Variants in RNF213 observed in about 807,000 individuals in gnomAD.
RNF213 encodes the protein E3 ubiquitin-protein ligase RNF213.
In RNF213, 341 loss-of-function variants were observed where a neutral mutation model predicts 514.4. The ratio of observed to expected loss-of-function variants is 0.66; its 90% CI spans 0.61 to 0.73. The LOEUF (loss-of-function observed/expected upper bound fraction) is 0.73, where lower values mean the gene tolerates loss of function less well. Among genes scored for constraint, RNF213 ranks in the 30% least tolerant of loss-of-function variants. The pLI, the probability that RNF213 is intolerant of heterozygous loss-of-function variation, is 0.00. For missense variants in RNF213, 5,767 were observed against 6,615.6 expected, an observed-to-expected ratio of 0.87 and a Z score of 4.45; for synonymous variants, 2,655 against 2,658.2, an observed-to-expected ratio of 1.00 and a Z score of 0.04.
chr17:80,360,358 C>T (rs183590176), intron 38 of RNF213, 152 bp downstream of exon 38: 24 of 824,916 alleles, frequency 2.9e-5, no homozygotes, highest in East Asian at 1.9e-4. Flanking sequence ...GTCCAATTTA[C>T]GTCACCGCGT....
At chr17:80,388,563 T>C (rs780919981) in intron 63 of RNF213, 49 bp from the exon 64 acceptor site, 8 of 1,220,460 alleles carry the variant, frequency 6.6e-6, no homozygotes, top group Non-Finnish European at 7.3e-6. Context: ...CTGCTGGAAA[T>C]GTCCACGATG....
intron 20 of RNF213, among the ~76,000 whole-genome samples, chr17:80,329,205 C>T (rs2046352205): frequency 6.6e-6 from 1 of 152,252 alleles, no homozygotes; most frequent in African/African-American, 2.4e-5. Context: ...CCTGCTTCCT[C>T]TGTTGGCAGA....
chr17:80,381,972 C>T lies in RNF213; in HGVS notation c.13978+245C>T, dbSNP rs558360365. 4.2e-5 allele frequency: 22 copies of T among 526,066 alleles called. 1 individual carries two copies. In the Admixed American group the frequency reaches 4.5e-4, roughly 11 times the overall value. The allele number at this position is 526,066 out of a possible 1,614,324, so 32.6% of individuals were successfully genotyped here. A position where few individuals can be genotyped will look rare whatever the true frequency, so the allele number is the denominator to read the frequency against. The stretch of plus-strand genomic sequence containing the variant: ...AGCTGCTCTGTTCCCTCCATTCACC[C>T]CTGCCTGGCTAAGACCTGCGGTATT... On this transcript the variant is annotated intron_variant, in intron 57 of 67. Coordinates refer to ENST00000582970, the MANE Select transcript of RNF213 (RefSeq NM_001256071.3).
chr17:80,382,967 GT>G lies in RNF213; in HGVS notation c.13979-5del. The G allele has an allele frequency of 6.3e-7, 1 of 1,599,686 alleles. No homozygotes were observed. The highest frequency in any genetic ancestry group is 8.6e-7 in the Non-Finnish European group (1 of 1,166,966). On this transcript the variant is annotated splice_polypyrimidine_tract_variant and intron_variant, in intron 57 of 67. Coordinates refer to ENST00000582970, the MANE Select transcript of RNF213 (RefSeq NM_001256071.3). ...GCCTTGGGTAACCTACACATTTGGA[GT>G]TTTTTTGTAGGGCTTTTAAATTTTG...
rs772205787 is a variant in RNF213 at position 80,358,285 on chromosome 17, C to T, written c.10863-3C>T. On this transcript the variant is annotated splice_polypyrimidine_tract_variant and splice_region_variant and intron_variant, in intron 36 of 67. Coordinates refer to ENST00000582970, the MANE Select transcript of RNF213 (RefSeq NM_001256071.3). ...GGTGGCCCATCTCTCTTCTGTGCTG[C>T]AGGCACACCCTCTGGAAGCGGGTCC... 7 of 1,613,734 alleles carry T rather than the reference C, an allele frequency of 4.3e-6. 1 individual carries two copies. The South Asian group carries it at 6.6e-5, about 15-fold the overall frequency.
chr17:80,349,883 G>A lies in RNF213; in HGVS notation c.10065G>A (p.Glu3355=), dbSNP rs1457477991. ...TGTGGCTGCAGCAGTTTGACACCGA[G>A]TACTCATTCCTCAAAGAAGTCCGGT... ...TLLWLQQFDT[E]YSFLKEVRNC... The change falls in exon 30 of 68, where the codon GAG becomes GAA. Residue 3355 remains glutamate (E), a synonymous_variant. Coordinates refer to ENST00000582970, the MANE Select transcript of RNF213 (RefSeq NM_001256071.3). 2 of 1,613,810 alleles carry A rather than the reference G, an allele frequency of 1.2e-6. No individual in the cohort carries two copies. The highest frequency in any genetic ancestry group is 2.7e-5 in the African/African-American group (2 of 74,912).
At chr17:80,337,447 G>A in intron 23 of RNF213, 139 bp from the exon 24 acceptor site, 1 of 1,143,752 alleles carries the variant, frequency 8.7e-7, no homozygotes, top group Non-Finnish European at 1.2e-6. Context: ...CGCTGGGTGG[G>A]CGACTGCGTC....
intron 17 of RNF213, chr17:80,320,095 G>A: frequency 1.3e-6 from 1 of 792,176 alleles, no homozygotes; most frequent in Non-Finnish European, 1.5e-6. Flanking sequence ...GGTAGTCACA[G>A]ATATGTACAG....
rs750688893 is a variant in RNF213 at position 80,385,494 on chromosome 17, G to A, written c.14456-44G>A. The A allele has an allele frequency of 1.9e-6, 3 of 1,573,446 alleles. No individual in the cohort carries two copies. In the Admixed American group the frequency reaches 5.0e-5, roughly 26 times the overall value. ...AACTAGGGTGGTTTGGCCCTTTCAG[G>A]GGGTTGCTATCATACGGTTCTTACC... On this transcript the variant is annotated intron_variant, in intron 60 of 67. Transcript: ENST00000582970.
intron 15 of RNF213, chr17:80,316,697 G>A (rs575674090): frequency 3.9e-6 from 1 of 256,102 alleles, no homozygotes; most frequent in Admixed American, 4.9e-5. Context: ...GGTATGTAGT[G>A]GCAAGGTGCC....
chr17:80,327,953 A>G lies in RNF213; in HGVS notation c.3331A>G (p.Lys1111Glu). The G allele has an allele frequency of 6.5e-7, 1 of 1,537,258 alleles. No homozygotes were observed. Among genetic ancestry groups the G allele is most frequent in the Non-Finnish European group, 8.7e-7 (1 of 1,146,906 alleles). ...ILVGQLELIIKHKNQFLDIWQ... is the reference protein window; with the variant it reads ...ILVGQLELIIEHKNQFLDIWQ... ...AGTTGGACAACTGGAGCTGATTATA[A>G]AGCACAAGAATCAGTTTCTTGACAT... The change falls in exon 19 of 68, where the codon AAG becomes GAG. Residue 1111 changes from lysine to glutamate, a missense_variant. Transcript: ENST00000582970.
intron 17 of RNF213, among the ~76,000 whole-genome samples, chr17:80,322,287 A>C (rs2046165917): frequency 6.7e-6 from 1 of 150,328 alleles, no homozygotes; most frequent in Admixed American, 6.6e-5. Context: ...TAGCCTCCCG[A>C]GTAGCAGGGA....
intron 19 of RNF213, 38 bp downstream of exon 19, chr17:80,328,027 G>A (rs1418222889): frequency 6.5e-7 from 1 of 1,532,828 alleles, no homozygotes; most frequent in Admixed American, 2.0e-5. Flanking sequence ...GGCTCCTGAG[G>A]CATTAAGTAG....
rs750157173 is a variant in RNF213, at chr17:80,348,057, C to A, written c.9722C>A (p.Ala3241Asp). The change falls in exon 29 of 68, where the codon GCC becomes GAC. Residue 3241 changes from alanine to aspartate, a missense_variant. Around this residue, in one of 13 missense-constraint regions of RNF213, gnomAD observed 919 missense variants for 1,121.0 expected, o/e 0.82. Transcript: ENST00000582970. ...LQVIERQGPR[A>D]LTEELHQKVS... ...GTCATAGAGAGGCAGGGTCCCCGGG[C>A]CTTGACGGAGGAACTTCACCAGAAG... is the stretch of plus-strand genomic sequence containing the variant. 5.0e-6 allele frequency: 8 copies of A among 1,614,164 alleles called. No homozygotes were observed. The South Asian group carries it at 5.5e-5, about 11-fold the overall frequency.
In RNF213 at chr17:80,352,740, T is replaced by C. The variant is rs1158904513; in HGVS notation, c.10304-200T>C. On this transcript the variant is annotated intron_variant, in intron 32 of 67. Coordinates refer to ENST00000582970, the MANE Select transcript of RNF213 (RefSeq NM_001256071.3). ...TTGCTGCTTATGGTGAAGCTGTCGA[T>C]GGGCATAGAATCGGGTCGTGTATAG... The C allele has an allele frequency of 1.1e-5, 8 of 753,962 alleles. No individual in the cohort carries two copies. In the East Asian group the frequency reaches 2.0e-4, roughly 19 times the overall value. The allele number at this position is 753,962 out of a possible 1,614,324, so 46.7% of individuals were successfully genotyped here. A position where few individuals can be genotyped will look rare whatever the true frequency, so the allele number is the denominator to read the frequency against.
rs771024450 is a variant in RNF213 at position 80,389,405 on chromosome 17, TC to T, written c.15195+39del. The T allele has an allele frequency of 3.0e-5, 48 of 1,578,756 alleles. No homozygotes were observed. The East Asian group carries it at 1.1e-3, about 35-fold the overall frequency. On this transcript the variant is annotated intron_variant, in intron 65 of 67. Coordinates refer to ENST00000582970, the MANE Select transcript of RNF213 (RefSeq NM_001256071.3). Reference sequence around the variant, plus strand: ...CCGAAAAGGAAATCAGCACAGCCCCTCACCCTGGTCTCCTGCTTCCCGCGAG... The same window carrying T: ...CCGAAAAGGAAATCAGCACAGCCCCTACCCTGGTCTCCTGCTTCCCGCGAG...
chr17:80,351,485 C>T (rs1407482073), intron 31 of RNF213, among the ~76,000 whole-genome samples, 200 bp from the exon 32 acceptor site: 2 of 152,214 alleles, frequency 1.3e-5, no homozygotes, highest in African/African-American at 4.8e-5. Context: ...GAAGATTTCT[C>T]ATCCCCTTGT....
intron 3 of RNF213, among the ~76,000 whole-genome samples, chr17:80,274,124 T>TAGGCCTCTGC (rs2043931003): frequency 6.6e-6 from 1 of 152,068 alleles, no homozygotes; most frequent in African/African-American, 2.4e-5. Context: ...TGCGCTTCTG[T>TAGGCCTCTGC]AGGCCTCTGC....
At chr17:80,332,657 G>C in intron 21 of RNF213, 26 bp downstream of exon 21, 1 of 1,459,166 alleles carries the variant, frequency 6.9e-7, no homozygotes, top group South Asian at 1.4e-5. Context: ...GGGACTGTGG[G>C]GGTTTGGAGG....
Sources: allele counts gnomAD v4.1 joint callset (sites outside exome capture counted in the v4.1 genomes callset), GRCh38; gene constraint gnomAD v4.1.1; regional missense constraint gnomAD v4.1.1; transcripts MANE v1.5; gene names NCBI Gene and HGNC (gene_info 2026-07-23, HGNC 2026-07-21).